Variants in KITLG observed in about 807,000 individuals in gnomAD.
The protein encoded by KITLG is c-Kit ligand.
A neutral mutation model predicts 34.1 loss-of-function variants in KITLG; 13 were observed. That is an observed-to-expected ratio of 0.38 (90% CI 0.25 to 0.61). KITLG has a LOEUF of 0.61. Ranked by LOEUF, KITLG falls within the 20% of genes least tolerant of loss-of-function variation. The probability of loss-of-function intolerance (pLI) is 0.60; values close to 1 mark genes in which losing one functional copy is unlikely to be tolerated. For synonymous variants in KITLG, 110 were observed against 104.0 expected (o/e 1.06, Z -0.35); for missense variants, 292 against 318.9 (o/e 0.92, Z 0.64).
rs1275418986 is a variant in KITLG at position 88,495,423 on chromosome 12, C to A, written c.*1796G>T. On this transcript the variant is annotated 3_prime_UTR_variant, in exon 10 of 10. Coordinates refer to ENST00000644744, the MANE Select transcript of KITLG (RefSeq NM_000899.5). ...ATTGATCTCTGGTTTTATTACTAAT[C>A]AAGTGTACCATGTGATATCTGAGGG... is the stretch of plus-strand genomic sequence containing the variant. 6.6e-6 allele frequency: 1 copy of A among 152,382 alleles called. No homozygotes were observed. The highest frequency in any genetic ancestry group is 1.5e-5 in the Non-Finnish European group (1 of 67,986). 9.4% of individuals were successfully genotyped at this position (152,382 alleles called of 1,614,324 possible).
At chr12:88,540,857 C>CAGG (rs2120900613) in intron 2 of KITLG, among the ~76,000 whole-genome samples, 1 of 152,126 alleles carries the variant, frequency 6.6e-6, no homozygotes, top group African/African-American at 2.4e-5. Flanking sequence ...CTGCTGACCA[C>CAGG]AGGAGCAGAA....
chr12:88,548,756 T>G (rs2120919450), intron 1 of KITLG, among the ~76,000 whole-genome samples: 1 of 152,314 alleles, frequency 6.6e-6, no homozygotes, highest in African/African-American at 2.4e-5. Context: ...CACACATCAG[T>G]GCCTGCTACC....
At chr12:88,525,479 C>A (rs1374930557) in intron 3 of KITLG, among the ~76,000 whole-genome samples, 1 of 152,038 alleles carries the variant, frequency 6.6e-6, no homozygotes, top group Non-Finnish European at 1.5e-5. Flanking sequence ...TGAGGAGATA[C>A]ACAGGAGTAA....
At chr12:88,515,214 G>C (rs542944050) in intron 6 of KITLG, among the ~76,000 whole-genome samples, 1 of 151,482 alleles carries the variant, frequency 6.6e-6, no homozygotes, top group Admixed American at 6.6e-5. Context: ...TTAAACTTCC[G>C]TTTTTGTCAG....
At chr12:88,554,134 G>A (rs1871018025) in intron 1 of KITLG, among the ~76,000 whole-genome samples, 1 of 152,114 alleles carries the variant, frequency 6.6e-6, no homozygotes, top group Non-Finnish European at 1.5e-5. Flanking sequence ...AACGTGTGTT[G>A]CAACACATAA....
chr12:88,516,340 C>G lies in KITLG; in HGVS notation c.514G>C (p.Glu172Gln). 6.2e-7 allele frequency: 1 copy of G among 1,610,368 alleles called. No individual in the cohort carries two copies. Among genetic ancestry groups the G allele is most frequent in the Non-Finnish European group, 8.5e-7 (1 of 1,177,404 alleles). ...DCVVSSTLSP[E>Q]KDSRVSVTKP... is the part of the protein sequence containing the mutation. Reference sequence around the variant, plus strand: ...AAATGCTTACATGTCTTACCTTTCTCAGGACTTAATGTTGAAGAAACCACA... The same window carrying G: ...AAATGCTTACATGTCTTACCTTTCTGAGGACTTAATGTTGAAGAAACCACA... The change falls in exon 5 of 10, where the codon GAG (glutamate) becomes CAG (glutamine). Residue 172 changes from glutamate to glutamine, a missense_variant. Physicochemically the swap from Glu to Gln is conservative, Grantham distance 29 (BLOSUM62 2). Coordinates refer to ENST00000644744, the MANE Select transcript of KITLG (RefSeq NM_000899.5).
At chr12:88,567,358 A>G (rs535186024) in intron 1 of KITLG, among the ~76,000 whole-genome samples, 36 of 152,356 alleles carry the variant, frequency 2.4e-4, no homozygotes, top group Non-Finnish European at 5.0e-4. Context: ...CAAAAGAGTT[A>G]TAAAACAGGA....
At chr12:88,525,635 T>G (rs1869837617) in intron 3 of KITLG, among the ~76,000 whole-genome samples, 1 of 152,202 alleles carries the variant, frequency 6.6e-6, no homozygotes, top group Admixed American at 6.5e-5. Context: ...GATAATACTT[T>G]GAGACAAATA....
chr12:88,524,101 C>T (rs1869777869), intron 3 of KITLG, among the ~76,000 whole-genome samples: 1 of 152,166 alleles, frequency 6.6e-6, no homozygotes, highest in Non-Finnish European at 1.5e-5. Context: ...TGATTTCAGG[C>T]AAGTCATTTA....
intron 1 of KITLG, among the ~76,000 whole-genome samples, chr12:88,575,229 A>G (rs1326118345): frequency 2.6e-5 from 4 of 152,236 alleles, no homozygotes; most frequent in Admixed American, 1.3e-4. Flanking sequence ...CCAAATTACT[A>G]CTACTTATTA....
intron 4 of KITLG, among the ~76,000 whole-genome samples, 197 bp from the exon 5 acceptor site, chr12:88,516,687 T>C (rs1869469713): frequency 6.6e-6 from 1 of 151,624 alleles, no homozygotes; most frequent in Non-Finnish European, 1.5e-5. Context: ...ACAAGTTGAA[T>C]CTGGGGCAGT....
chr12:88,568,123 C>T (rs1871507062), intron 1 of KITLG, among the ~76,000 whole-genome samples: 1 of 151,926 alleles, frequency 6.6e-6, no homozygotes, highest in Non-Finnish European at 1.5e-5. Flanking sequence ...ACTTTCACAA[C>T]TTGTGAGGTC....
intron 1 of KITLG, among the ~76,000 whole-genome samples, chr12:88,563,962 C>CAAA (rs528082425): frequency 6.7e-6 from 1 of 149,330 alleles, no homozygotes; most frequent in Non-Finnish European, 1.5e-5. Context: ...AACTCCATCT[C>CAAA]AAAAAAAAAG....
Position 88,572,595 on chromosome 12 carries a change from T to TATA in KITLG, c.15+7668_15+7669insTAT, listed in dbSNP as rs1555258293. Among the ~76,000 whole-genome samples, 222 of 134,906 alleles carry TATA rather than the reference T, an allele frequency of 1.6e-3. 1 individual carries two copies. Among genetic ancestry groups the TATA allele is most frequent in the African/African-American group, 5.9e-3 (219 of 37,122 alleles). The allele number at this position is 134,906 out of a possible 152,430, so 88.5% of individuals were successfully genotyped here. A position where few individuals can be genotyped will look rare whatever the true frequency, so the allele number is the denominator to read the frequency against. ...CATTATATATATATTATATACATTA[T>TATA]TATATATATATATATATATATATAA... is the stretch of plus-strand genomic sequence containing the variant. On this transcript the variant is annotated intron_variant, in intron 1 of 9. Coordinates refer to ENST00000644744, the MANE Select transcript of KITLG (RefSeq NM_000899.5).
chr12:88,531,052 A>G (rs1870064595), intron 3 of KITLG, among the ~76,000 whole-genome samples: 1 of 152,222 alleles, frequency 6.6e-6, no homozygotes, highest in Admixed American at 6.5e-5. Flanking sequence ...AATTTACTCA[A>G]GAAACACAGT....
chr12:88,575,035 C>A (rs1354356058), intron 1 of KITLG, among the ~76,000 whole-genome samples: 2 of 152,168 alleles, frequency 1.3e-5, no homozygotes, highest in African/African-American at 4.8e-5. Flanking sequence ...TGCATTCACA[C>A]TGAAGCAATG....
intron 4 of KITLG, among the ~76,000 whole-genome samples, chr12:88,518,101 C>T (rs1869518311): frequency 6.6e-6 from 1 of 151,958 alleles, no homozygotes; most frequent in African/African-American, 2.4e-5. Context: ...CTGGCATTGC[C>T]CCCATTTTAA....
At chr12:88,577,962 T>C (rs1201480048) in intron 1 of KITLG, among the ~76,000 whole-genome samples, 2 of 152,316 alleles carry the variant, frequency 1.3e-5, no homozygotes, top group East Asian at 3.9e-4. Context: ...ACCATGGTAT[T>C]GATGCCATGT....
chr12:88,554,209 G>A (rs1308847976), intron 1 of KITLG, among the ~76,000 whole-genome samples: 1 of 151,896 alleles, frequency 6.6e-6, no homozygotes, highest in Admixed American at 6.6e-5. Context: ...AATATCAGGG[G>A]GACATATGCT....
Sources: gnomAD v4.1 joint callset for allele counts (sites outside exome capture counted in the v4.1 genomes callset) on GRCh38, gnomAD v4.1.1 for gene constraint, MANE v1.5 for transcripts, NCBI Gene and HGNC (gene_info 2026-07-23, HGNC 2026-07-21) for gene names.